FLNB: variants seen among roughly 807,000 people sequenced by gnomAD.
The protein encoded by FLNB is filamin B.
In FLNB, 111 loss-of-function variants were observed where a neutral mutation model predicts 250.6. The ratio of observed to expected loss-of-function variants is 0.44; its 90% CI spans 0.38 to 0.52. The LOEUF is 0.52. Among genes scored for constraint, FLNB ranks in the 20% least tolerant of loss-of-function variants. The pLI is 0.00. For missense variants in FLNB, 2,869 were observed against 3,447.8 expected (o/e 0.83, Z 4.20); for synonymous variants, 1,302 against 1,372.1 (o/e 0.95, Z 1.13).
At chr3:58,038,957 T>C (rs567595768) in intron 1 of FLNB, among the ~76,000 whole-genome samples, 31 of 151,922 alleles carry the variant, frequency 2.0e-4, no homozygotes, top group South Asian at 8.3e-4. Flanking sequence ...CTGGGCATGG[T>C]GGCTCATGCC....
At chr3:58,103,884 C>T in intron 9 of FLNB, 75 bp from the exon 10 acceptor site, 2 of 1,584,768 alleles carry the variant, frequency 1.3e-6, no homozygotes, top group Admixed American at 3.3e-5. Context: ...GTGGCTGCCT[C>T]TCTGTTCTTG....
At chr3:58,022,469 G>A (rs1211947863) in intron 1 of FLNB, among the ~76,000 whole-genome samples, 4 of 152,190 alleles carry the variant, frequency 2.6e-5, no homozygotes, top group Non-Finnish European at 5.9e-5. Flanking sequence ...ACAACTGTTA[G>A]AGAACAAGGC....
At position 58,130,825 on chromosome 3, in the gene FLNB, G is replaced by T; in HGVS notation, c.4307G>T (p.Arg1436Leu). The change falls in exon 25 of 46, where the codon CGA (arginine) becomes CTA (leucine). Residue 1436 changes from arginine (R) to leucine (L), a missense_variant. By Grantham distance (102) the Arg-to-Leu change is moderately radical (BLOSUM62 -2). Around this residue, in one of 5 missense-constraint regions of FLNB, gnomAD observed 1,348 missense variants for 1,466.7 expected, o/e 0.92. Transcript: ENST00000295956. ...GGCCCCGGGCTGGGCTCAGGCGTCCGAGCCCGTGTCCTGCAGTCCTTCACG... is the reference window on the plus strand; with the variant it reads ...GGCCCCGGGCTGGGCTCAGGCGTCCTAGCCCGTGTCCTGCAGTCCTTCACG... ...IAGPGLGSGV[R>L]ARVLQSFTVD... The T allele has an allele frequency of 6.2e-7, 1 of 1,613,694 alleles. No homozygotes were observed. Among genetic ancestry groups the T allele is most frequent in the Non-Finnish European group, 8.5e-7 (1 of 1,179,898 alleles).
chr3:58,100,596 T>G lies in FLNB; in HGVS notation c.1346-1607T>G, dbSNP rs537477845. On this transcript the variant is annotated intron_variant, in intron 8 of 45. Coordinates refer to ENST00000295956, the MANE Select transcript of FLNB (RefSeq NM_001457.4). Reference sequence around the variant, plus strand: ...TTTTTTCTTTTTCTTTTTCTTTTTTTTTTTGTTTTGTTTTGTTTTGAGACA... The same window carrying G: ...TTTTTTCTTTTTCTTTTTCTTTTTTGTTTTGTTTTGTTTTGTTTTGAGACA... 7.4e-3 allele frequency among the ~76,000 whole-genome samples: 1,028 copies of G among 138,600 alleles called. 10 individuals are homozygous for G. The highest frequency in any genetic ancestry group is 0.011 in the Non-Finnish European group (689 of 65,214). 90.9% of individuals were successfully genotyped at this position (138,600 alleles called of 152,430 possible). A position where few individuals can be genotyped will look rare whatever the true frequency, so the allele number is the denominator to read the frequency against.
rs114625155 is a variant in FLNB at position 58,020,481 on chromosome 3, C to T, written c.292+11625C>T. On this transcript the variant is annotated intron_variant, in intron 1 of 45. Coordinates refer to ENST00000295956, the MANE Select transcript of FLNB (RefSeq NM_001457.4). Reference sequence around the variant, plus strand: ...CCTCTCCTGAGAGAGAAAGCTGGTCCGTCCAGCCCATTCAGGGCTCAGCCT... The same window carrying T: ...CCTCTCCTGAGAGAGAAAGCTGGTCTGTCCAGCCCATTCAGGGCTCAGCCT... Among the ~76,000 whole-genome samples, 812 of 152,282 alleles carry T rather than the reference C, an allele frequency of 5.3e-3. 7 individuals carry two copies. Among genetic ancestry groups the T allele is most frequent in the African/African-American group, 0.018 (764 of 41,560 alleles).
rs776858741 is a variant in FLNB at position 58,170,635 on chromosome 3, T to C, written c.7682T>C (p.Met2561Thr). Residue 2561 changes from methionine (M) to threonine (T), a missense_variant, in exon 46 of 46, where the codon ATG becomes ACG. Physicochemically the swap from Met to Thr is moderately conservative, Grantham distance 81. Transcript: ENST00000295956. ...GPTTPCEEVSMKHVGNQQYNV... is the reference protein window; with the variant it reads ...GPTTPCEEVSTKHVGNQQYNV... ...ACCACCCCCTGCGAGGAGGTCTCCA[T>C]GAAGCATGTAGGCAACCAGCAATAC... 3.7e-6 allele frequency: 6 copies of C among 1,614,102 alleles called. No individual in the cohort carries two copies. Among genetic ancestry groups the C allele is most frequent in the Middle Eastern group, 1.6e-4 (1 of 6,062 alleles).
Position 58,148,371 on chromosome 3 carries a change from T to A in FLNB, c.5887+7T>A, listed in dbSNP as rs1442722194. ...CTGCCCAACAACCACATTGGTGAGCTAGGCTACCCTTCCTGGCTGGAGCCA... is the reference window on the plus strand; with the variant it reads ...CTGCCCAACAACCACATTGGTGAGCAAGGCTACCCTTCCTGGCTGGAGCCA... On this transcript the variant is annotated splice_region_variant and intron_variant, in intron 35 of 45. Transcript: ENST00000295956. 1 of 1,612,700 alleles carries A rather than the reference T, an allele frequency of 6.2e-7. No homozygotes were observed. The highest frequency in any genetic ancestry group is 8.5e-7 in the Non-Finnish European group (1 of 1,179,496).
chr3:58,105,257 G>A, intron 11 of FLNB, 41 bp downstream of exon 11: 1 of 1,613,310 alleles, frequency 6.2e-7, no homozygotes. Flanking sequence ...GGAGGACTGA[G>A]GATTACAGGG....
chr3:58,053,587 A>G (rs938850260), intron 1 of FLNB, among the ~76,000 whole-genome samples: 2 of 152,062 alleles, frequency 1.3e-5, no homozygotes, highest in African/African-American at 4.8e-5. Context: ...CAGCCTCCCC[A>G]GTAGCTGGGA....
chr3:58,141,395 C>G (rs990072268), intron 29 of FLNB, among the ~76,000 whole-genome samples: 1 of 152,234 alleles, frequency 6.6e-6, no homozygotes, highest in Non-Finnish European at 1.5e-5. Flanking sequence ...TGGGGTCACA[C>G]CGTACATACT....
chr3:58,130,909 G>A lies in FLNB; in HGVS notation c.4390+1G>A. On this transcript the variant is annotated splice_donor_variant, in intron 25 of 45. Coordinates refer to ENST00000295956, the MANE Select transcript of FLNB (RefSeq NM_001457.4). LOFTEE classifies it high-confidence loss of function. ...GAAGTGAGGGTTCTGGGCCCACGAG[G>A]TAAGTGTGCACCCTGCCTTCCTGCA... 6.2e-7 allele frequency: 1 copy of A among 1,609,842 alleles called. No individual in the cohort carries two copies. The highest frequency in any genetic ancestry group is 1.1e-5 in the South Asian group (1 of 90,190).
At chr3:58,136,451 T>C (rs1159517851) in intron 28 of FLNB, among the ~76,000 whole-genome samples, 1 of 152,174 alleles carries the variant, frequency 6.6e-6, no homozygotes, top group Admixed American at 6.5e-5. Context: ...TGATAACTAT[T>C]ATTATATGCT....
At chr3:58,127,252 G>T (rs1330072217) in intron 24 of FLNB, among the ~76,000 whole-genome samples, 1 of 151,884 alleles carries the variant, frequency 6.6e-6, no homozygotes, top group East Asian at 1.9e-4. Flanking sequence ...TCTGAGATGG[G>T]AGCCTGGGAG....
At chr3:58,016,769 A>C (rs2097106370) in intron 1 of FLNB, among the ~76,000 whole-genome samples, 1 of 151,988 alleles carries the variant, frequency 6.6e-6, no homozygotes, top group African/African-American at 2.4e-5. Context: ...AAGGAGCTGG[A>C]TCTGTAATTG....
intron 18 of FLNB, among the ~76,000 whole-genome samples, chr3:58,116,556 G>T (rs967633796): frequency 9.9e-5 from 15 of 152,212 alleles, no homozygotes; most frequent in Non-Finnish European, 2.1e-4. Context: ...TTGCCTGCCT[G>T]GGGTGGATGA....
At chr3:58,163,051 T>G (rs532720151) in intron 42 of FLNB, 103 bp from the exon 43 acceptor site, 1 of 1,192,860 alleles carries the variant, frequency 8.4e-7, no homozygotes, top group East Asian at 2.3e-5. Flanking sequence ...GAACTGTTGA[T>G]TTTAAATGGG....
At chr3:58,148,985 G>A in intron 36 of FLNB, 133 bp downstream of exon 36, 5 of 826,862 alleles carry the variant, frequency 6.0e-6, no homozygotes, top group Non-Finnish European at 1.0e-5. Flanking sequence ...CCTTCTGCCT[G>A]CATTGTCTTT....
chr3:58,013,180 T>C (rs557056818), intron 1 of FLNB, among the ~76,000 whole-genome samples: 19 of 152,360 alleles, frequency 1.2e-4, no homozygotes, highest in South Asian at 6.2e-4. Context: ...AAGGGGTCTC[T>C]CAGCCCAAGA....
At chr3:58,052,133 C>A (rs1418511201) in intron 1 of FLNB, among the ~76,000 whole-genome samples, 1 of 152,168 alleles carries the variant, frequency 6.6e-6, no homozygotes, top group Non-Finnish European at 1.5e-5. Context: ...GGTGATCCGC[C>A]CACCTCGGCC....
Sources: allele counts gnomAD v4.1 joint callset (sites outside exome capture counted in the v4.1 genomes callset), GRCh38; gene constraint gnomAD v4.1.1; regional missense constraint gnomAD v4.1.1; transcripts MANE v1.5; gene names NCBI Gene and HGNC (gene_info 2026-07-23, HGNC 2026-07-21).